HTR1F: variants seen among roughly 807,000 people sequenced by gnomAD.
The protein encoded by HTR1F is 5-hydroxytryptamine (serotonin) receptor 1F, G protein-coupled.
A neutral mutation model predicts 24.0 loss-of-function variants in HTR1F; 17 were observed. The observed-to-expected ratio is 0.71, with a 90% CI of 0.48 to 1.06. HTR1F has a LOEUF of 1.06. Ranked by LOEUF, HTR1F falls within the 50% of genes least tolerant of loss-of-function variation. The pLI is 0.00. For synonymous variants in HTR1F, 186 were observed against 156.8 expected (o/e 1.19, Z -1.39); for missense variants, 391 against 427.8 (o/e 0.91, Z 0.76).
At chr3:87,842,934 G>C (rs1468688549) in intron 2 of HTR1F, among the ~76,000 whole-genome samples, 2 of 151,786 alleles carry the variant, frequency 1.3e-5, no homozygotes, top group African/African-American at 4.9e-5. Context: ...GGTTTGAAAG[G>C]ACACACTTTA....
chr3:87,825,339 AT>A (rs2107135347), intron 2 of HTR1F, among the ~76,000 whole-genome samples: 1 of 152,316 alleles, frequency 6.6e-6, no homozygotes, highest in South Asian at 2.1e-4. Flanking sequence ...AGCCTGAAAT[AT>A]ATTAATTACC....
At chr3:87,978,205 G>T (rs1334397572) in intron 2 of HTR1F, among the ~76,000 whole-genome samples, 3 of 152,120 alleles carry the variant, frequency 2.0e-5, no homozygotes, top group African/African-American at 4.8e-5. Context: ...TCAGAAGGTT[G>T]AAGACTCCAG....
chr3:87,843,693 A>G (rs564714283), intron 2 of HTR1F, among the ~76,000 whole-genome samples: 1 of 86,660 alleles, frequency 1.2e-5, no homozygotes, highest in East Asian at 3.7e-4. Flanking sequence ...CCACCCCACA[A>G]CAGTCCCCAG....
chr3:87,990,225 T>G (rs1178129545), intron 2 of HTR1F, among the ~76,000 whole-genome samples: 1 of 152,168 alleles, frequency 6.6e-6, no homozygotes, highest in Non-Finnish European at 1.5e-5. Context: ...AGGAAAAGCC[T>G]AAGCAAAACT....
chr3:87,831,444 G>T (rs1379820694), intron 2 of HTR1F, among the ~76,000 whole-genome samples: 1 of 151,352 alleles, frequency 6.6e-6, no homozygotes, highest in African/African-American at 2.4e-5. Flanking sequence ...CTCACCGCAA[G>T]CTCAGCCTCC....
intron 2 of HTR1F, among the ~76,000 whole-genome samples, chr3:87,947,803 CTA>C (rs1458478664): frequency 3.8e-5 from 5 of 130,610 alleles, no homozygotes; most frequent in Non-Finnish European, 6.7e-5. Flanking sequence ...TATTATATAA[CTA>C]TTATGTTTAT....
intron 2 of HTR1F, among the ~76,000 whole-genome samples, chr3:87,925,819 C>T (rs1704112554): frequency 6.6e-6 from 1 of 152,136 alleles, no homozygotes; most frequent in Non-Finnish European, 1.5e-5. Context: ...CATTTCTCTA[C>T]AATCTTGGCT....
chr3:87,848,225 A>T (rs1399992831), intron 2 of HTR1F, among the ~76,000 whole-genome samples: 1 of 151,790 alleles, frequency 6.6e-6, no homozygotes, highest in Non-Finnish European at 1.5e-5. Flanking sequence ...GGGTGAGATG[A>T]TAGCTCATTG....
chr3:87,953,934 T>C (rs1277196056), intron 2 of HTR1F, among the ~76,000 whole-genome samples: 1 of 151,664 alleles, frequency 6.6e-6, no homozygotes, highest in African/African-American at 2.4e-5. Flanking sequence ...AAGACAGACA[T>C]AGAAAGACAA....
intron 2 of HTR1F, among the ~76,000 whole-genome samples, chr3:87,880,512 T>G (rs1705768376): frequency 6.6e-6 from 1 of 152,160 alleles, no homozygotes; most frequent in Non-Finnish European, 1.5e-5. Context: ...TAGAAATAAA[T>G]TAACTGGATT....
At chr3:87,866,522 T>C (rs1215453960) in intron 2 of HTR1F, among the ~76,000 whole-genome samples, 1 of 152,226 alleles carries the variant, frequency 6.6e-6, no homozygotes, top group Non-Finnish European at 1.5e-5. Flanking sequence ...TACCTGACAC[T>C]ATGACCTTTA....
intron 2 of HTR1F, among the ~76,000 whole-genome samples, chr3:87,904,939 T>C (rs1353048071): frequency 6.6e-6 from 1 of 152,096 alleles, no homozygotes; most frequent in Non-Finnish European, 1.5e-5. Flanking sequence ...ATAATATCTT[T>C]CCTTTATAAA....
At chr3:87,834,388 ACAATT>A (rs1704641908) in intron 2 of HTR1F, among the ~76,000 whole-genome samples, 1 of 152,160 alleles carries the variant, frequency 6.6e-6, no homozygotes, top group African/African-American at 2.4e-5. Flanking sequence ...AAAAATGAAA[ACAATT>A]TGGGACTTAA....
intron 1 of HTR1F, among the ~76,000 whole-genome samples, chr3:87,818,023 T>C (rs1198931179): frequency 6.6e-6 from 1 of 152,214 alleles, no homozygotes; most frequent in African/African-American, 2.4e-5. Context: ...TAAAGAGTTA[T>C]TGTAATTTAT....
chr3:87,946,566 A>T (rs1231470545), intron 2 of HTR1F, among the ~76,000 whole-genome samples: 1 of 151,488 alleles, frequency 6.6e-6, no homozygotes, highest in Non-Finnish European at 1.5e-5. Flanking sequence ...TACCTAATAC[A>T]TATAGATGAA....
intron 2 of HTR1F, among the ~76,000 whole-genome samples, chr3:87,900,360 T>G (rs537835268): frequency 1.3e-5 from 2 of 152,310 alleles, no homozygotes; most frequent in South Asian, 4.1e-4. Context: ...AGGAGGCCCA[T>G]GTAGCTGGAG....
Position 87,936,712 on chromosome 3 carries a change from A to G in HTR1F, c.-42-53996A>G, listed in dbSNP as rs149413022. 2.3e-4 allele frequency among the ~76,000 whole-genome samples: 35 copies of G among 152,284 alleles called. 1 individual carries two copies. The highest frequency in any genetic ancestry group is 6.0e-4 in the African/African-American group (25 of 41,568). On this transcript the variant is annotated intron_variant, in intron 2 of 2. Coordinates refer to ENST00000319595, the MANE Select transcript of HTR1F (RefSeq NM_001322209.2). ...GATTTCATACATTAAATCACGGAGC[A>G]TAAACAACTGAAATATTTTGTTTGG...
intron 2 of HTR1F, among the ~76,000 whole-genome samples, chr3:87,895,072 A>G (rs1706169697): frequency 3.3e-5 from 5 of 152,148 alleles, no homozygotes; most frequent in Admixed American, 3.3e-4. Flanking sequence ...CAAAAACTGA[A>G]AGAGTATCTA....
chr3:87,876,706 T>G (rs1234316029), intron 2 of HTR1F, among the ~76,000 whole-genome samples: 6 of 152,170 alleles, frequency 3.9e-5, no homozygotes, highest in Admixed American at 3.9e-4. Context: ...GGATTTATTG[T>G]TCGGTGGATA....
Sources: gnomAD v4.1 joint callset for allele counts (sites outside exome capture counted in the v4.1 genomes callset) on GRCh38, gnomAD v4.1.1 for gene constraint, MANE v1.5 for transcripts, NCBI Gene and HGNC (gene_info 2026-07-23, HGNC 2026-07-21) for gene names.